Variants in UBL3 observed in about 807,000 individuals in gnomAD.
The protein encoded by UBL3 is ubiquitin-like protein 3.
UBL3 carries 6 observed loss-of-function variants against 18.4 expected under a neutral mutation model. The observed-to-expected ratio is 0.33, with a 90% CI of 0.18 to 0.64. UBL3 has a LOEUF of 0.64. Among genes scored for constraint, UBL3 ranks in the 30% least tolerant of loss-of-function variants. The pLI, the probability that UBL3 is intolerant of heterozygous loss-of-function variation, is 0.76. For synonymous variants in UBL3, 49 were observed against 46.6 expected (o/e 1.05, Z -0.21); for missense variants, 109 against 142.9 (o/e 0.76, Z 1.21).
intron 1 of UBL3, among the ~76,000 whole-genome samples, chr13:29,831,230 C>T (rs145850716): frequency 6.2e-4 from 94 of 152,244 alleles, no homozygotes; most frequent in Middle Eastern, 3.4e-3. Flanking sequence ...AGTAATTTCA[C>T]ACTCTTACAG....
rs1039481478 is a variant in UBL3, at chr13:29,770,665, T to A, written c.223+1447A>T. Among the ~76,000 whole-genome samples the A allele has an allele frequency of 3.9e-5, 6 of 152,004 alleles. No individual in the cohort carries two copies. In the East Asian group the frequency reaches 1.2e-3, roughly 29 times the overall value. The stretch of plus-strand genomic sequence containing the variant: ...TTAAATTCAACCAACATTTACCAAT[T>A]TTTAATTCACATAAGATCTTGTATG... On this transcript the variant is annotated intron_variant, in intron 3 of 4. Coordinates refer to ENST00000380680, the MANE Select transcript of UBL3 (RefSeq NM_007106.4).
At position 29,810,164 on chromosome 13, in the gene UBL3, G is replaced by A. The variant is rs200571843; in HGVS notation, c.28-32901C>T. On this transcript the variant is annotated intron_variant, in intron 1 of 4. Transcript: ENST00000380680. ...ATTCCACATACCTGATTGAGCAACT[G>A]GGAGAATGATGATGGTATCAATAGG... Among the ~76,000 whole-genome samples the A allele has an allele frequency of 1.8e-4, 27 of 152,154 alleles. No individual in the cohort carries two copies. In the East Asian group the frequency reaches 4.0e-3, roughly 23 times the overall value.
At chr13:29,797,013 G>C (rs575063964) in intron 1 of UBL3, among the ~76,000 whole-genome samples, 1 of 152,236 alleles carries the variant, frequency 6.6e-6, no homozygotes, top group South Asian at 2.1e-4. Flanking sequence ...TTTAACCACT[G>C]ACTTTTCAAT....
chr13:29,799,168 T>C (rs990990569), intron 1 of UBL3, among the ~76,000 whole-genome samples: 1 of 152,188 alleles, frequency 6.6e-6, no homozygotes, highest in African/African-American at 2.4e-5. Flanking sequence ...CTTGCTTCTA[T>C]CCACTAGATA....
intron 1 of UBL3, among the ~76,000 whole-genome samples, chr13:29,813,678 C>G (rs1434809426): frequency 2.6e-5 from 4 of 152,040 alleles, no homozygotes; most frequent in African/African-American, 9.7e-5. Context: ...AGGTTATATG[C>G]AAATACTGCA....
intron 1 of UBL3, among the ~76,000 whole-genome samples, chr13:29,821,778 T>C (rs932858170): frequency 2.6e-5 from 4 of 152,182 alleles, no homozygotes; most frequent in Non-Finnish European, 5.9e-5. Context: ...TTTTGTCTTG[T>C]TCCATTGATT....
intron 1 of UBL3, among the ~76,000 whole-genome samples, chr13:29,843,999 T>C (rs1879172679): frequency 6.6e-6 from 1 of 152,276 alleles, no homozygotes; most frequent in East Asian, 1.9e-4. Flanking sequence ...AACTCTTAAA[T>C]GCTTTGACAG....
chr13:29,814,542 C>A (rs1878215822), intron 1 of UBL3, among the ~76,000 whole-genome samples: 1 of 152,018 alleles, frequency 6.6e-6, no homozygotes, highest in Admixed American at 6.6e-5. Context: ...ACTCTTTCAA[C>A]AAGTCATCAA....
intron 1 of UBL3, among the ~76,000 whole-genome samples, chr13:29,822,834 C>T (rs181015850): frequency 2.6e-5 from 4 of 151,466 alleles, no homozygotes; most frequent in Admixed American, 6.5e-5. Flanking sequence ...CACAAAAGGG[C>T]ACACAAAAGG....
At chr13:29,823,872 C>T (rs1358846280) in intron 1 of UBL3, among the ~76,000 whole-genome samples, 1 of 146,148 alleles carries the variant, frequency 6.8e-6, no homozygotes, top group Admixed American at 6.9e-5. Flanking sequence ...CCCATCCAAC[C>T]ACAGGCCCCA....
chr13:29,841,380 T>C (rs2139368587), intron 1 of UBL3, among the ~76,000 whole-genome samples: 1 of 152,272 alleles, frequency 6.6e-6, no homozygotes, highest in East Asian at 1.9e-4. Flanking sequence ...TACATATATA[T>C]ATAAAGCATT....
intron 1 of UBL3, among the ~76,000 whole-genome samples, chr13:29,839,526 C>CATCT (rs1156461694): frequency 1.8e-4 from 27 of 152,132 alleles, no homozygotes; most frequent in Non-Finnish European, 2.9e-5. Flanking sequence ...GTGGTCTGCA[C>CATCT]ATCTGTATTC....
chr13:29,774,909 G>A (rs1876940945), intron 2 of UBL3, among the ~76,000 whole-genome samples: 1 of 152,160 alleles, frequency 6.6e-6, no homozygotes, highest in East Asian at 1.9e-4. Flanking sequence ...ATTTATGACT[G>A]TACTGGTGCC....
chr13:29,771,300 T>G (rs11620360), intron 3 of UBL3, among the ~76,000 whole-genome samples: 25,736 of 152,012 alleles, frequency 0.17, 2,902 homozygotes, highest in Non-Finnish European at 0.24. Flanking sequence ...CTGAATATAT[T>G]TGAAATACCT....
At chr13:29,828,748 G>C (rs564346529) in intron 1 of UBL3, among the ~76,000 whole-genome samples, 1 of 152,170 alleles carries the variant, frequency 6.6e-6, no homozygotes, top group Admixed American at 6.5e-5. Flanking sequence ...GGAAACAGGC[G>C]CTCTGATTTT....
At chr13:29,810,357 T>C (rs553710968) in intron 1 of UBL3, among the ~76,000 whole-genome samples, 3 of 151,886 alleles carry the variant, frequency 2.0e-5, no homozygotes, top group African/African-American at 4.8e-5. Context: ...AAGAGAGAGA[T>C]AGAAGAGAGC....
At chr13:29,836,033 G>A (rs1878953874) in intron 1 of UBL3, among the ~76,000 whole-genome samples, 3 of 152,204 alleles carry the variant, frequency 2.0e-5, no homozygotes, top group South Asian at 4.2e-4. Flanking sequence ...GGTACTACAG[G>A]GAATGTGAAT....
At chr13:29,809,796 G>A (rs1011342697) in intron 1 of UBL3, among the ~76,000 whole-genome samples, 1 of 152,032 alleles carries the variant, frequency 6.6e-6, no homozygotes, top group Non-Finnish European at 1.5e-5. Flanking sequence ...AACCAAGGAC[G>A]CTCTGGTTCC....
At chr13:29,824,709 A>T (rs1474315537) in intron 1 of UBL3, among the ~76,000 whole-genome samples, 1 of 152,068 alleles carries the variant, frequency 6.6e-6, no homozygotes, top group Non-Finnish European at 1.5e-5. Context: ...TCTTTAGTTT[A>T]ATTAGATCCC....
Sources: allele counts gnomAD v4.1 joint callset (sites outside exome capture counted in the v4.1 genomes callset), GRCh38; gene constraint gnomAD v4.1.1; transcripts MANE v1.5; gene names NCBI Gene and HGNC (gene_info 2026-07-23, HGNC 2026-07-21).